PCTP: variants seen among roughly 807,000 people sequenced by gnomAD.
PCTP encodes START domain-containing protein 2.
PCTP carries 27 observed loss-of-function variants against 31.0 expected under a neutral mutation model. The observed-to-expected ratio is 0.87, with a 90% CI of 0.64 to 1.20. The LOEUF (loss-of-function observed/expected upper bound fraction) is 1.20. Ranked by LOEUF, PCTP falls within the 50% of genes most tolerant of loss-of-function variation. The pLI is 0.00. For missense variants in PCTP, 287 were observed against 268.2 expected, an observed-to-expected ratio of 1.07 and a Z score of -0.49; for synonymous variants, 108 against 101.2, an observed-to-expected ratio of 1.07 and a Z score of -0.40.
chr17:55,850,673 C>A, the PCTP span, among the ~76,000 whole-genome samples: 2 of 152,148 alleles, frequency 1.3e-5, no homozygotes, highest in African/African-American at 4.8e-5. Flanking sequence ...CTTTCTATGG[C>A]ACGTAGGTTT....
chr17:55,819,507 C>T (rs1387997770), intron 3 of PCTP, among the ~76,000 whole-genome samples: 2 of 152,082 alleles, frequency 1.3e-5, no homozygotes, highest in Non-Finnish European at 2.9e-5. Flanking sequence ...ATTTGGGAGG[C>T]TGAGGTAGGA....
At chr17:55,835,765 G>T (rs995932071) in intron 5 of PCTP, among the ~76,000 whole-genome samples, 2 of 152,178 alleles carry the variant, frequency 1.3e-5, no homozygotes, top group Admixed American at 1.3e-4. Flanking sequence ...GAAGTGCCAG[G>T]CTGAGGTCTG....
intron 5 of PCTP, among the ~76,000 whole-genome samples, chr17:55,839,927 A>AAAAAAAAAAAC (rs1241176472): frequency 2.7e-4 from 40 of 148,780 alleles, no homozygotes; most frequent in African/African-American, 9.3e-4. Context: ...CTCAAAAAAA[A>AAAAAAAAAAAC]AAAAAAAAAA....
At chr17:55,770,804 T>C in intron 2 of PCTP, 1 of 231,280 alleles carries the variant, frequency 4.3e-6, no homozygotes, top group Non-Finnish European at 8.4e-6. Context: ...ACTGCAGCCT[T>C]GACCTGCTAG....
chr17:55,800,463 T>C (rs1345947209), intron 3 of PCTP, among the ~76,000 whole-genome samples: 2 of 152,022 alleles, frequency 1.3e-5, no homozygotes, highest in Non-Finnish European at 2.9e-5. Context: ...TTATTCTAGT[T>C]AGCAATTCCT....
At chr17:55,813,824 C>T (rs962071854) in intron 3 of PCTP, among the ~76,000 whole-genome samples, 4 of 152,170 alleles carry the variant, frequency 2.6e-5, no homozygotes, top group Non-Finnish European at 5.9e-5. Context: ...CAGAGGATCT[C>T]TTGAGCCCAG....
At chr17:55,761,194 T>C (rs1172220391) in intron 1 of PCTP, among the ~76,000 whole-genome samples, 1 of 152,166 alleles carries the variant, frequency 6.6e-6, no homozygotes, top group Non-Finnish European at 1.5e-5. Context: ...CTTCCCTATC[T>C]ACATCACAGG....
intron 3 of PCTP, among the ~76,000 whole-genome samples, chr17:55,805,236 G>A (rs1040985932): frequency 6.6e-6 from 1 of 152,034 alleles, no homozygotes; most frequent in Non-Finnish European, 1.5e-5. Context: ...AGATTCAGGG[G>A]TTTATGTGTT....
chr17:55,777,891 C>A (rs1218730564), downstream of PCTP, among the ~76,000 whole-genome samples: 1 of 144,812 alleles, frequency 6.9e-6, no homozygotes, highest in East Asian at 1.9e-4. Flanking sequence ...TAATAGAAGT[C>A]AAGTTGAAAT....
intron 5 of PCTP, among the ~76,000 whole-genome samples, chr17:55,830,238 T>G (rs1482302131): frequency 6.6e-6 from 1 of 151,898 alleles, no homozygotes; most frequent in Non-Finnish European, 1.5e-5. Flanking sequence ...TGCTGCGGGG[T>G]AGGGGGAGGT....
intron 3 of PCTP, among the ~76,000 whole-genome samples, chr17:55,815,246 T>A (rs8065061): frequency 3.9e-5 from 6 of 152,184 alleles, no homozygotes; most frequent in African/African-American, 1.4e-4. Flanking sequence ...CACTTGATAA[T>A]TTTGCTTTTG....
intron 2 of PCTP, among the ~76,000 whole-genome samples, chr17:55,768,085 CAAA>C (rs11424440): frequency 7.1e-6 from 1 of 140,166 alleles, no homozygotes. Flanking sequence ...GACCCTGTCT[CAAA>C]AAAAAAAAAA....
At position 55,751,248 on chromosome 17, in the gene PCTP, G is replaced by A. The variant is rs1909684976; in HGVS notation, c.141+4G>A. ...CATCTACCGGCTGCTGGACAAGGTA[G>A]CGGCCAACCCGCTGGAGGACCGCGG... On this transcript the variant is annotated splice_donor_region_variant and intron_variant, in intron 1 of 5. Coordinates refer to ENST00000268896, the MANE Select transcript of PCTP (RefSeq NM_021213.4). 1 of 1,536,750 alleles carries A rather than the reference G, an allele frequency of 6.5e-7. No individual in the cohort carries two copies. The highest frequency in any genetic ancestry group is 8.8e-7 in the Non-Finnish European group (1 of 1,140,520).
downstream of PCTP, among the ~76,000 whole-genome samples, chr17:55,845,887 GGTGTGTGTGTGTGTGTGTGTGT>G (rs34179575): frequency 2.8e-5 from 4 of 143,062 alleles, no homozygotes; most frequent in South Asian, 2.3e-4. Context: ...AGAGGGTTGG[GGTGTGTGTGTGTGTGTGTGTGT>G]GTGTGTGTGT....
At chr17:55,806,308 A>T (rs1912581138) in intron 3 of PCTP, among the ~76,000 whole-genome samples, 1 of 152,108 alleles carries the variant, frequency 6.6e-6, no homozygotes, top group Non-Finnish European at 1.5e-5. Context: ...ACTGGTTCTT[A>T]CTGGCTTGCA....
At chr17:55,811,232 C>A (rs1912740977) in intron 3 of PCTP, among the ~76,000 whole-genome samples, 2 of 152,106 alleles carry the variant, frequency 1.3e-5, no homozygotes, top group Non-Finnish European at 2.9e-5. Context: ...GAATATAAAC[C>A]AGTTATAGAG....
In PCTP at chr17:55,776,898, C is replaced by G. The variant is rs539781889; in HGVS notation, c.*798C>G. ...CTTTGCATTTTACTGGAAACTGAGG[C>G]GTCAAGATGGCTGTGGCAGCTAGCA... On this transcript the variant is annotated 3_prime_UTR_variant, in exon 6 of 6. Coordinates refer to ENST00000268896, the MANE Select transcript of PCTP (RefSeq NM_021213.4). 1 of 991,378 alleles carries G rather than the reference C, an allele frequency of 1.0e-6. No homozygotes were observed. Among genetic ancestry groups the G allele is most frequent in the South Asian group, 4.7e-5 (1 of 21,328 alleles). The allele number at this position is 991,378 out of a possible 1,614,324, so 61.4% of individuals were successfully genotyped here.
chr17:55,849,441 G>A, the PCTP span, among the ~76,000 whole-genome samples: 1 of 152,098 alleles, frequency 6.6e-6, no homozygotes, highest in African/African-American at 2.4e-5. Context: ...TGGCCAACAT[G>A]GTGAAACCCC....
intron 3 of PCTP, 87 bp downstream of exon 3, chr17:55,771,272 G>GGCAGA: frequency 9.7e-7 from 1 of 1,032,534 alleles, no homozygotes; most frequent in Non-Finnish European, 1.5e-6. Flanking sequence ...AGGTAGAGCT[G>GGCAGA]GTTTCTCAGC....
Sources: gnomAD v4.1 joint callset for allele counts (sites outside exome capture counted in the v4.1 genomes callset) on GRCh38, gnomAD v4.1.1 for gene constraint, MANE v1.5 for transcripts, NCBI Gene and HGNC (gene_info 2026-07-23, HGNC 2026-07-21) for gene names.